Variants in GSG1L observed in about 807,000 individuals in gnomAD.
GSG1L encodes the protein germ cell-specific gene 1-like protein.
A neutral mutation model predicts 42.1 loss-of-function variants in GSG1L; 24 were observed. That is an observed-to-expected ratio of 0.57 (90% CI 0.41 to 0.80). GSG1L has a LOEUF of 0.80. Among genes scored for constraint, GSG1L ranks in the 30% least tolerant of loss-of-function variants. The probability of loss-of-function intolerance (pLI) is 0.00; values close to 1 mark genes in which losing one functional copy is unlikely to be tolerated. For missense variants in GSG1L, 445 were observed against 472.2 expected, an observed-to-expected ratio of 0.94 and a Z score of 0.53; for synonymous variants, 215 against 203.5, an observed-to-expected ratio of 1.06 and a Z score of -0.48.
At chr16:27,829,513 G>A (rs1370936261) in intron 4 of GSG1L, among the ~76,000 whole-genome samples, 1 of 152,158 alleles carries the variant, frequency 6.6e-6, no homozygotes, top group Non-Finnish European at 1.5e-5. Flanking sequence ...GTATGACCCT[G>A]GGAAAGATGC....
At chr16:27,869,382 T>C (rs571509706) in intron 3 of GSG1L, among the ~76,000 whole-genome samples, 4 of 151,734 alleles carry the variant, frequency 2.6e-5, no homozygotes, top group African/African-American at 7.3e-5. Context: ...CATTTGCTGC[T>C]GTTTGCTCCC....
rs2084531091 is a variant in GSG1L at position 27,922,076 on chromosome 16, T to C, written c.398-37438A>G. 2.7e-5 allele frequency among the ~76,000 whole-genome samples: 4 copies of C among 148,940 alleles called. No homozygotes were observed. The Admixed American group carries it at 2.7e-4, about 10-fold the overall frequency. ...GATCAGAACATAATAAACAAATTAATCAACATTTCATTTATTTACCCTTGT... is the reference window on the plus strand; with the variant it reads ...GATCAGAACATAATAAACAAATTAACCAACATTTCATTTATTTACCCTTGT... On this transcript the variant is annotated intron_variant, in intron 2 of 6. Coordinates refer to ENST00000447459, the MANE Select transcript of GSG1L (RefSeq NM_001109763.2).
chr16:27,979,287 C>T (rs1043373490), intron 1 of GSG1L, among the ~76,000 whole-genome samples: 2 of 151,746 alleles, frequency 1.3e-5, no homozygotes, highest in Non-Finnish European at 2.9e-5. Context: ...AAAAAAAGGT[C>T]GGACATGATA....
At chr16:28,035,486 A>G (rs149129785) in intron 1 of GSG1L, among the ~76,000 whole-genome samples, 5 of 152,236 alleles carry the variant, frequency 3.3e-5, no homozygotes, top group Non-Finnish European at 7.4e-5. Context: ...CATAGACCCA[A>G]CTGATTTTAT....
At chr16:27,826,764 G>C (rs1312769832) in intron 5 of GSG1L, among the ~76,000 whole-genome samples, 2 of 152,156 alleles carry the variant, frequency 1.3e-5, no homozygotes, top group Admixed American at 1.3e-4. Flanking sequence ...TAAGCCCCAC[G>C]TGTTGGGCAA....
At chr16:27,946,628 AG>A (rs1222896875) in intron 2 of GSG1L, among the ~76,000 whole-genome samples, 20 of 17,962 alleles carry the variant, frequency 1.1e-3, no homozygotes, top group Admixed American at 6.3e-3. Flanking sequence ...AGAGAGAGAG[AG>A]AGAAAGAAAG....
At position 28,006,801 on chromosome 16, in the gene GSG1L, G is replaced by A. The variant is rs551157225; in HGVS notation, c.350-43598C>T. On this transcript the variant is annotated intron_variant, in intron 1 of 6. Transcript: ENST00000447459. ...GATCTGGTCAACCAAGCCCTCCGGT[G>A]GGAGACCAGGTGGACACCAGTGCAC... Among the ~76,000 whole-genome samples the A allele has an allele frequency of 1.6e-4, 24 of 152,294 alleles. 1 individual carries two copies. The highest frequency in any genetic ancestry group is 5.5e-4 in the African/African-American group (23 of 41,554).
At chr16:27,803,800 G>GATAT (rs1406574562) in intron 6 of GSG1L, among the ~76,000 whole-genome samples, 29 of 74,234 alleles carry the variant, frequency 3.9e-4, no homozygotes, top group African/African-American at 1.5e-3. Flanking sequence ...TATATAGATA[G>GATAT]ATAGATATAG....
At chr16:27,866,774 G>T (rs922085970) in intron 3 of GSG1L, among the ~76,000 whole-genome samples, 1 of 152,078 alleles carries the variant, frequency 6.6e-6, no homozygotes, top group East Asian at 1.9e-4. Flanking sequence ...GTTTCACCGC[G>T]TTGGCCAGGC....
Position 27,946,612 on chromosome 16 carries a change from AGAG to A in GSG1L, c.397+16541_397+16543del. 2.4e-4 allele frequency among the ~76,000 whole-genome samples: 3 copies of A among 12,346 alleles called. 1 individual carries two copies. Among genetic ancestry groups the A allele is most frequent in the African/African-American group, 6.7e-4 (3 of 4,482 alleles). 8.1% of individuals were successfully genotyped at this position (12,346 alleles called of 152,430 possible). A position where few individuals can be genotyped will look rare whatever the true frequency, so the allele number is the denominator to read the frequency against. On this transcript the variant is annotated intron_variant, in intron 2 of 6. Transcript: ENST00000447459. ...GAGAGAGAGAGAGAGAGAGAGAGAG[AGAG>A]AGAGAGAGAGAGAGAGAAAGAAAGA...
intron 3 of GSG1L, among the ~76,000 whole-genome samples, chr16:27,875,430 C>T (rs1208419551): frequency 6.6e-6 from 1 of 152,160 alleles, no homozygotes; most frequent in Non-Finnish European, 1.5e-5. Flanking sequence ...AAGATCACCT[C>T]CGAAAGAAAC....
chr16:27,866,538 A>AC (rs1274849226), intron 3 of GSG1L, among the ~76,000 whole-genome samples: 1 of 151,990 alleles, frequency 6.6e-6, no homozygotes, highest in African/African-American at 2.4e-5. Context: ...TCTGCCCTCC[A>AC]CCCCTACCCA....
intron 2 of GSG1L, among the ~76,000 whole-genome samples, chr16:27,896,510 G>A (rs1003874317): frequency 3.9e-5 from 6 of 152,264 alleles, no homozygotes; most frequent in African/African-American, 1.2e-4. Context: ...CATGGCACAC[G>A]TTTACCTATG....
intron 1 of GSG1L, among the ~76,000 whole-genome samples, chr16:28,046,649 C>T (rs931169860): frequency 3.0e-4 from 45 of 152,246 alleles, no homozygotes; most frequent in African/African-American, 9.1e-4. Flanking sequence ...CCACCAAGCC[C>T]GGCCCGAAAT....
At chr16:27,875,979 C>T (rs763609467) in intron 3 of GSG1L, among the ~76,000 whole-genome samples, 70 of 152,292 alleles carry the variant, frequency 4.6e-4, no homozygotes, top group Non-Finnish European at 6.9e-4. Context: ...AAGCCCACCC[C>T]CTCCACTTTT....
At chr16:27,825,254 T>C (rs2083196858) in intron 5 of GSG1L, among the ~76,000 whole-genome samples, 1 of 152,192 alleles carries the variant, frequency 6.6e-6, no homozygotes, top group South Asian at 2.1e-4. Context: ...CCTGGCCCAA[T>C]TCTAGGCTCC....
At chr16:27,943,170 T>A (rs1336611576) in intron 2 of GSG1L, among the ~76,000 whole-genome samples, 2 of 152,076 alleles carry the variant, frequency 1.3e-5, no homozygotes, top group Non-Finnish European at 2.9e-5. Context: ...TCCTCCTGTC[T>A]TGGCCTCCCA....
At chr16:27,916,329 T>C (rs2084454332) in intron 2 of GSG1L, among the ~76,000 whole-genome samples, 1 of 152,158 alleles carries the variant, frequency 6.6e-6, no homozygotes, top group Non-Finnish European at 1.5e-5. Context: ...TATATTTTTT[T>C]TTTAGAGACA....
chr16:27,848,197 C>T (rs1222893458), intron 3 of GSG1L, among the ~76,000 whole-genome samples: 2 of 152,200 alleles, frequency 1.3e-5, no homozygotes, highest in East Asian at 1.9e-4. Flanking sequence ...CTGAGACTCA[C>T]TATGTAGGCC....
Sources: allele counts gnomAD v4.1 joint callset (sites outside exome capture counted in the v4.1 genomes callset), GRCh38; gene constraint gnomAD v4.1.1; transcripts MANE v1.5; gene names NCBI Gene and HGNC (gene_info 2026-07-23, HGNC 2026-07-21).